BARD1: variants seen among roughly 807,000 people sequenced by gnomAD.
BARD1 encodes BRCA1-associated RING domain protein 1.
In BARD1, 73 loss-of-function variants were observed where a neutral mutation model predicts 77.0. That is an observed-to-expected ratio of 0.95 (90% CI 0.79 to 1.15). BARD1 has a LOEUF of 1.15. BARD1 is among the 50% of genes most tolerant of loss of function. BARD1 has a pLI of 0.00. For synonymous variants in BARD1, 384 were observed against 338.0 expected (o/e 1.14, Z -1.49); for missense variants, 993 against 938.8 (o/e 1.06, Z -0.75).
In BARD1 at chr2:214,727,877, G is replaced by T. The variant is rs1295393163; in HGVS notation, c.*799C>A. The T allele has an allele frequency of 9.1e-6, 2 of 219,230 alleles. No homozygotes were observed. 13.6% of individuals were successfully genotyped at this position (219,230 alleles called of 1,614,324 possible). A position where few individuals can be genotyped will look rare whatever the true frequency, so the allele number is the denominator to read the frequency against. On this transcript the variant is annotated 3_prime_UTR_variant, in exon 11 of 11. Coordinates refer to ENST00000260947, the MANE Select transcript of BARD1 (RefSeq NM_000465.4). ...ATGACGTTGGACTGACAATTTGCTA[G>T]ACTGGTCAGACCTTTTAAAAAATAC...
chr2:214,808,853 A>G (rs1696408836), intron 1 of BARD1, among the ~76,000 whole-genome samples: 1 of 152,248 alleles, frequency 6.6e-6, no homozygotes, highest in African/African-American at 2.4e-5. Context: ...AAAATGAGAA[A>G]TTCCGTGCCA....
chr2:214,799,170 G>C (rs984536114), intron 1 of BARD1, among the ~76,000 whole-genome samples: 2 of 152,076 alleles, frequency 1.3e-5, no homozygotes, highest in Non-Finnish European at 2.9e-5. Context: ...GCATGGTAGT[G>C]CACGCCTGTA....
intron 3 of BARD1, among the ~76,000 whole-genome samples, chr2:214,786,000 C>T (rs1413935182): frequency 6.6e-6 from 1 of 151,920 alleles, no homozygotes; most frequent in Non-Finnish European, 1.5e-5. Flanking sequence ...AGTCACTCTT[C>T]ATTCAAATCG....
intron 1 of BARD1, among the ~76,000 whole-genome samples, chr2:214,806,360 A>G (rs1197388712): frequency 2.0e-5 from 3 of 152,196 alleles, no homozygotes; most frequent in East Asian, 1.9e-4. Flanking sequence ...TTCAAATAAT[A>G]TGACACTGCT....
chr2:214,779,203 C>T (rs940896142), intron 4 of BARD1, among the ~76,000 whole-genome samples: 1 of 152,052 alleles, frequency 6.6e-6, no homozygotes, highest in South Asian at 2.1e-4. Context: ...TACAGTCATC[C>T]CTCAGTATCT....
intron 9 of BARD1, among the ~76,000 whole-genome samples, chr2:214,740,089 AAC>A (rs200478880): frequency 0.011 from 1,681 of 152,140 alleles, 11 homozygotes; most frequent in Middle Eastern, 0.038. Context: ...TTAAAAACCG[AAC>A]ACAGTCTAAC....
chr2:214,780,215 A>G (rs9288500), intron 4 of BARD1, among the ~76,000 whole-genome samples: 4,077 of 152,300 alleles, frequency 0.027, 181 homozygotes, highest in African/African-American at 0.093. Context: ...GTTGCCTGTA[A>G]TAACTTAGCA....
chr2:214,781,339 A>C lies in BARD1; in HGVS notation c.535T>G (p.Ser179Ala), dbSNP rs1553622635. The part of the protein sequence containing the change: ...IKKDASAQQD[S>A]YEFVSPSPPA... ...GGACTTGGGGAAACAAATTCATATG[A>C]GTCTTGCTGAGCACTTGCATCTTTT... is the stretch of plus-strand genomic sequence containing the variant. Residue 179 changes from serine (S) to alanine (A), a missense_variant, in exon 4 of 11, where the codon TCA (serine) becomes GCA (alanine). Coordinates refer to ENST00000260947, the MANE Select transcript of BARD1 (RefSeq NM_000465.4). 5 of 1,613,408 alleles carry C rather than the reference A, an allele frequency of 3.1e-6. No homozygotes were observed. The highest frequency in any genetic ancestry group is 4.2e-6 in the Non-Finnish European group (5 of 1,179,888).
At chr2:214,760,405 C>T (rs1385827310) in intron 6 of BARD1, among the ~76,000 whole-genome samples, 1 of 152,136 alleles carries the variant, frequency 6.6e-6, no homozygotes, top group East Asian at 1.9e-4. Flanking sequence ...GTTGGCTAGG[C>T]TAGTCTCGAA....
intron 9 of BARD1, among the ~76,000 whole-genome samples, chr2:214,738,758 A>G (rs1692679552): frequency 6.6e-6 from 1 of 152,198 alleles, no homozygotes; most frequent in South Asian, 2.1e-4. Flanking sequence ...TTAAATGTCC[A>G]AAGGAGGAGA....
intron 3 of BARD1, among the ~76,000 whole-genome samples, chr2:214,789,833 A>G (rs932349868): frequency 7.9e-5 from 12 of 152,116 alleles, no homozygotes; most frequent in Non-Finnish European, 1.3e-4. Flanking sequence ...TCAGTTTAAT[A>G]TAAGTAACGT....
intron 6 of BARD1, among the ~76,000 whole-genome samples, chr2:214,761,294 A>C (rs2106060883): frequency 6.6e-6 from 1 of 152,210 alleles, no homozygotes; most frequent in South Asian, 2.1e-4. Flanking sequence ...AAAAAGAAAA[A>C]AAAAAAAAGC....
intron 4 of BARD1, among the ~76,000 whole-genome samples, chr2:214,773,924 C>A (rs1238604095): frequency 1.3e-5 from 2 of 151,468 alleles, no homozygotes; most frequent in Admixed American, 1.3e-4. Flanking sequence ...TCAAACCCTG[C>A]TGCTGTTTTA....
chr2:214,809,607 GA>G lies in BARD1; in HGVS notation c.-39del, dbSNP rs1011487516. On this transcript the variant is annotated 5_prime_UTR_variant, in exon 1 of 11. Coordinates refer to ENST00000260947, the MANE Select transcript of BARD1 (RefSeq NM_000465.4). ...GGATGAAAGGCTCCTCGCAGAGCGGGAAGCAAGGAAGCCTCGGGAAACCACA... is the reference window on the plus strand; with the variant it reads ...GGATGAAAGGCTCCTCGCAGAGCGGGAGCAAGGAAGCCTCGGGAAACCACA... 1 of 1,525,416 alleles carries G rather than the reference GA, an allele frequency of 6.6e-7. No individual in the cohort carries two copies. The highest frequency in any genetic ancestry group is 8.8e-7 in the Non-Finnish European group (1 of 1,138,576). 94.5% of individuals were successfully genotyped at this position (1,525,416 alleles called of 1,614,324 possible).
chr2:214,751,268 G>A (rs192141733), intron 7 of BARD1, among the ~76,000 whole-genome samples: 2 of 138,300 alleles, frequency 1.4e-5, no homozygotes, highest in East Asian at 2.3e-4. Context: ...ATCAATTATC[G>A]TGCCTCAGTC....
intron 7 of BARD1, among the ~76,000 whole-genome samples, chr2:214,746,593 T>C (rs757940859): frequency 4.0e-4 from 23 of 57,922 alleles, no homozygotes; most frequent in Non-Finnish European, 8.3e-4. Context: ...TATATGTCCA[T>C]ATATATATAT....
chr2:214,792,523 G>C (rs1695577512), intron 2 of BARD1, 78 bp from the exon 3 acceptor site: 1 of 1,340,812 alleles, frequency 7.5e-7, no homozygotes, highest in Admixed American at 2.6e-5. Context: ...AGTTTGAACA[G>C]AAATAAATGG....
intron 9 of BARD1, among the ~76,000 whole-genome samples, chr2:214,741,792 C>T (rs1379960934): frequency 1.4e-4 from 22 of 152,092 alleles, no homozygotes; most frequent in Non-Finnish European, 3.2e-4. Flanking sequence ...ATGCTAAGTT[C>T]ATTAATTATG....
intron 3 of BARD1, among the ~76,000 whole-genome samples, chr2:214,790,365 C>T (rs1179064864): frequency 2.0e-5 from 3 of 151,958 alleles, no homozygotes; most frequent in South Asian, 2.1e-4. Context: ...TAAAATGAAG[C>T]GATACTGGAG....
Sources: allele counts gnomAD v4.1 joint callset (sites outside exome capture counted in the v4.1 genomes callset), GRCh38; gene constraint gnomAD v4.1.1; transcripts MANE v1.5; gene names NCBI Gene and HGNC (gene_info 2026-07-23, HGNC 2026-07-21).